Variants in EDARADD observed in about 807,000 individuals in gnomAD.
The protein encoded by EDARADD is EDAR associated via death domain.
EDARADD carries 20 observed loss-of-function variants against 25.6 expected under a neutral mutation model. The ratio of observed to expected loss-of-function variants is 0.78; its 90% CI spans 0.55 to 1.14. The LOEUF is 1.14. Among genes scored for constraint, EDARADD ranks in the 50% most tolerant of loss-of-function variants. EDARADD has a pLI of 0.00. For missense variants in EDARADD, 225 were observed against 270.1 expected (o/e 0.83, Z 1.17); for synonymous variants, 86 against 94.4 (o/e 0.91, Z 0.52).
intron 4 of EDARADD, among the ~76,000 whole-genome samples, chr1:236,465,313 C>T (rs1286161764): frequency 6.6e-6 from 1 of 152,172 alleles, no homozygotes; most frequent in African/African-American, 2.4e-5. Context: ...CCCTGTTGTC[C>T]GGAATGACGT....
chr1:236,382,387 A>G (rs1667311814), intron 3 of EDARADD, among the ~76,000 whole-genome samples: 1 of 152,132 alleles, frequency 6.6e-6, no homozygotes, highest in African/African-American at 2.4e-5. Flanking sequence ...GAACCCATGG[A>G]CTACAGTTAC....
intron 3 of EDARADD, among the ~76,000 whole-genome samples, chr1:236,415,308 C>T (rs1019415728): frequency 6.6e-6 from 1 of 152,056 alleles, no homozygotes; most frequent in East Asian, 1.9e-4. Context: ...CTTGTTAGGC[C>T]CAAAAGCAAA....
intron 3 of EDARADD, among the ~76,000 whole-genome samples, chr1:236,359,985 A>T (rs1404719583): frequency 6.6e-6 from 1 of 152,112 alleles, no homozygotes; most frequent in Non-Finnish European, 1.5e-5. Flanking sequence ...CCCTAAATAG[A>T]TATCTATTTC....
At chr1:236,426,076 G>C (rs662488) in intron 3 of EDARADD, among the ~76,000 whole-genome samples, 1 of 151,726 alleles carries the variant, frequency 6.6e-6, no homozygotes, top group South Asian at 2.1e-4. Context: ...TGAACTCCTG[G>C]GCTCAAGTGA....
At chr1:236,349,568 A>C (rs1297249555) in intron 2 of EDARADD, among the ~76,000 whole-genome samples, 1 of 152,112 alleles carries the variant, frequency 6.6e-6, no homozygotes, top group Non-Finnish European at 1.5e-5. Flanking sequence ...TCCAGGCTAT[A>C]GGTAAATTTA....
intron 1 of EDARADD, among the ~76,000 whole-genome samples, chr1:236,403,652 A>G (rs1436491348): frequency 2.6e-5 from 4 of 152,184 alleles, no homozygotes; most frequent in African/African-American, 4.8e-5. Context: ...TGTGGATACT[A>G]CTACTCACCA....
chr1:236,463,347 G>A (rs1269748341), intron 4 of EDARADD, among the ~76,000 whole-genome samples: 1 of 152,184 alleles, frequency 6.6e-6, no homozygotes, highest in Admixed American at 6.5e-5. Context: ...AGGCTGGAGT[G>A]CAGTGGCGAG....
chr1:236,417,467 A>G (rs1033129474), intron 3 of EDARADD, among the ~76,000 whole-genome samples: 2 of 152,172 alleles, frequency 1.3e-5, no homozygotes, highest in Non-Finnish European at 2.9e-5. Flanking sequence ...TTCATTTGTC[A>G]GCATCTGTTT....
At chr1:236,476,749 T>C (rs1025290739) in intron 5 of EDARADD, among the ~76,000 whole-genome samples, 1 of 152,122 alleles carries the variant, frequency 6.6e-6, no homozygotes, top group African/African-American at 2.4e-5. Flanking sequence ...GGTCTTGAAC[T>C]CCCAACCTCA....
chr1:236,427,478 C>G, intron 4 of EDARADD, 28 bp downstream of exon 4: 4 of 1,597,192 alleles, frequency 2.5e-6, no homozygotes, highest in Non-Finnish European at 3.4e-6. Context: ...TATATTTTAC[C>G]CTTAGGTACA....
At chr1:236,404,257 C>G (rs6659240) in intron 1 of EDARADD, among the ~76,000 whole-genome samples, 5,022 of 152,264 alleles carry the variant, frequency 0.033, 260 homozygotes, top group African/African-American at 0.11. Context: ...TTAATAGTAT[C>G]GTAAACATGC....
At chr1:236,393,866 G>A (rs1025193631), upstream of EDARADD, among the ~76,000 whole-genome samples, 3 of 152,108 alleles carry the variant, frequency 2.0e-5, no homozygotes, top group African/African-American at 7.2e-5. Context: ...ACCCATTTGC[G>A]TCATACTTTA....
At chr1:236,386,715 G>A (rs1472606005) in intron 3 of EDARADD, among the ~76,000 whole-genome samples, 1 of 22,576 alleles carries the variant, frequency 4.4e-5, no homozygotes, top group African/African-American at 1.6e-4. Context: ...CCCTCCGCCC[G>A]GCAGCTGCCC....
At chr1:236,360,708 G>A (rs902960110) in intron 3 of EDARADD, among the ~76,000 whole-genome samples, 5 of 151,908 alleles carry the variant, frequency 3.3e-5, no homozygotes, top group African/African-American at 4.8e-5. Context: ...ACTGTGCCCA[G>A]CTAATTTTTG....
chr1:236,484,406 AG>A lies in EDARADD; in HGVS notation c.*1758del. 1 of 1,609,066 alleles carries A rather than the reference AG, an allele frequency of 6.2e-7. No individual in the cohort carries two copies. On this transcript the variant is annotated 3_prime_UTR_variant, in exon 6 of 6. Transcript: ENST00000334232. The surrounding 1 kb of genome is among the most constrained non-coding windows in gnomAD (Gnocchi z 4.1). ...AGTACAACCAGCTCCTCAGAATTGA[AG>A]AGGAGCTGGGCAGCAAGGCTAAGTT...
intron 4 of EDARADD, among the ~76,000 whole-genome samples, chr1:236,458,641 C>CTTTTTTTTTTTTTT (rs5781887): frequency 8.8e-6 from 1 of 113,536 alleles, no homozygotes; most frequent in African/African-American, 3.3e-5. Context: ...TTTTCTTTTT[C>CTTTTTTTTTTTTTT]TTTTTTTTTT....
chr1:236,434,124 G>A (rs1658179127), intron 4 of EDARADD, among the ~76,000 whole-genome samples: 1 of 152,198 alleles, frequency 6.6e-6, no homozygotes, highest in African/African-American at 2.4e-5. Context: ...CCAGTAGATG[G>A]AATGATATAG....
At chr1:236,422,470 C>T (rs1657805925) in intron 3 of EDARADD, among the ~76,000 whole-genome samples, 1 of 152,150 alleles carries the variant, frequency 6.6e-6, no homozygotes, top group African/African-American at 2.4e-5. Flanking sequence ...TTTATAAAAA[C>T]TGTGCAGATG....
chr1:236,432,355 C>T (rs1658119150), intron 4 of EDARADD, among the ~76,000 whole-genome samples: 2 of 150,666 alleles, frequency 1.3e-5, no homozygotes, highest in African/African-American at 4.9e-5. Context: ...TGCCACTGCA[C>T]TTCAGCCTGG....
Sources: gnomAD v4.1 joint callset for allele counts (sites outside exome capture counted in the v4.1 genomes callset) on GRCh38, gnomAD v4.1.1 for gene constraint, Gnocchi (gnomAD v3.1) non-coding constraint, MANE v1.5 for transcripts, NCBI Gene and HGNC (gene_info 2026-07-23, HGNC 2026-07-21) for gene names.